NEB: variants seen among roughly 807,000 people sequenced by gnomAD.
NEB encodes nemaline myopathy type 2.
NEB carries 512 observed loss-of-function variants against 952.2 expected under a neutral mutation model. The observed-to-expected ratio is 0.54, with a 90% CI of 0.50 to 0.58. The LOEUF is 0.58. Ranked by LOEUF, NEB falls within the 20% of genes least tolerant of loss-of-function variation. The probability of loss-of-function intolerance (pLI) is 0.00; values close to 1 mark genes in which losing one functional copy is unlikely to be tolerated. For missense variants in NEB, 8,428 were observed against 9,231.1 expected, an observed-to-expected ratio of 0.91 and a Z score of 3.56; for synonymous variants, 2,900 against 3,149.8, an observed-to-expected ratio of 0.92 and a Z score of 2.66.
At chr2:151,648,497 G>A (rs2098990957) in intron 54 of NEB, among the ~76,000 whole-genome samples, 1 of 152,116 alleles carries the variant, frequency 6.6e-6, no homozygotes, top group Non-Finnish European at 1.5e-5. Context: ...CAATTGCATT[G>A]TGGTGAAGTC....
chr2:151,659,943 C>T (rs1020226444), intron 46 of NEB, among the ~76,000 whole-genome samples: 1 of 152,120 alleles, frequency 6.6e-6, no homozygotes, highest in African/African-American at 2.4e-5. Context: ...CTTATGGCCT[C>T]TAGCCTTTTT....
At chr2:151,516,334 T>A in intron 157 of NEB, 125 bp downstream of exon 157, 1 of 609,608 alleles carries the variant, frequency 1.6e-6, no homozygotes, top group South Asian at 2.5e-5. Context: ...ATTTTAGTGA[T>A]CACATGATAA....
At position 151,494,218 on chromosome 2, in the gene NEB, T is replaced by C. The variant is rs1574795954; in HGVS notation, c.24522A>G (p.Ala8174=). 6.2e-7 allele frequency: 1 copy of C among 1,606,494 alleles called. No homozygotes were observed. Among genetic ancestry groups the C allele is most frequent in the Admixed American group, 1.7e-5 (1 of 59,268 alleles). ...TCTGCATCTCAGGAGTGACAGGGGT[T>C]GCGGTGGCTTTCCCCACATTTTCTT... is the stretch of plus-strand genomic sequence containing the variant. The part of the protein sequence containing the change: ...LYKENVGKAT[A]TPVTPEMQRV... Residue 8174 remains alanine, a synonymous_variant, in exon 174 of 182, where the codon GCA becomes GCG. Transcript: ENST00000397345.
At position 151,501,422 on chromosome 2, in the gene NEB, C is replaced by T. The variant is rs531666957; in HGVS notation, c.23990G>A (p.Arg7997Gln). ...TPLPVTPEME[R>Q]VKLNQENFSS... ...AAAGTTTTCTTGATTGAGTTTGACT[C>T]GCTCCATCTCAGGAGTGACAGGTAG... The change falls in exon 168 of 182, where the codon CGA becomes CAA. Residue 7997 changes from arginine to glutamine, a missense_variant. Coordinates refer to ENST00000397345, the MANE Select transcript of NEB (RefSeq NM_001164508.2). 14 of 1,549,010 alleles carry T rather than the reference C, an allele frequency of 9.0e-6. No homozygotes were observed. The African/African-American group carries it at 9.6e-5, about 11-fold the overall frequency.
intron 55 of NEB, among the ~76,000 whole-genome samples, chr2:151,645,318 T>G (rs2098942441): frequency 6.6e-6 from 1 of 152,248 alleles, no homozygotes; most frequent in Non-Finnish European, 1.5e-5. Context: ...ATGTAGCTGA[T>G]GCATTGTGAA....
At chr2:151,648,445 A>T (rs2098989260) in intron 54 of NEB, among the ~76,000 whole-genome samples, 1 of 152,178 alleles carries the variant, frequency 6.6e-6, no homozygotes, top group Non-Finnish European at 1.5e-5. Context: ...GTTTCTCTTT[A>T]AAAAATTTTT....
At chr2:151,645,196 T>C (rs2098939814) in intron 55 of NEB, among the ~76,000 whole-genome samples, 1 of 152,218 alleles carries the variant, frequency 6.6e-6, no homozygotes, top group Non-Finnish European at 1.5e-5. Flanking sequence ...TGGATTATTA[T>C]TGAGGTGCTG....
At chr2:151,665,273 G>T in intron 42 of NEB, 60 bp downstream of exon 42, 1 of 1,508,782 alleles carries the variant, frequency 6.6e-7, no homozygotes, top group Non-Finnish European at 9.2e-7. Context: ...GGCACTGCCA[G>T]GCTCAATGTC....
intron 20 of NEB, among the ~76,000 whole-genome samples, chr2:151,694,066 A>C (rs2099577919): frequency 1.3e-5 from 2 of 152,218 alleles, no homozygotes; most frequent in Admixed American, 1.3e-4. Flanking sequence ...AAACAATGAT[A>C]TTGGCAGAAT....
rs1042189022 is a variant in NEB, at chr2:151,490,178, A to C, written c.25298-101T>G. The C allele has an allele frequency of 3.9e-5, 47 of 1,193,056 alleles. 2 individuals are homozygous for C. The highest frequency in any genetic ancestry group is 3.1e-5 in the Non-Finnish European group (26 of 838,848). 73.9% of individuals were successfully genotyped at this position (1,193,056 alleles called of 1,614,324 possible). Reference sequence around the variant, plus strand: ...TGATGTCTTTTTCCCCCAACTTAGAATGATTTCCAAAAAGAGAAATCAAAG... The same window carrying C: ...TGATGTCTTTTTCCCCCAACTTAGACTGATTTCCAAAAAGAGAAATCAAAG... On this transcript the variant is annotated intron_variant, in intron 180 of 181. Coordinates refer to ENST00000397345, the MANE Select transcript of NEB (RefSeq NM_001164508.2).
intron 106 of NEB, 37 bp downstream of exon 106, chr2:151,576,114 G>C: frequency 7.0e-7 from 1 of 1,428,334 alleles, no homozygotes; most frequent in South Asian, 1.4e-5. Context: ...TCTATTTATG[G>C]CATTAATTCA....
At chr2:151,663,934 C>G (rs534694376) in intron 44 of NEB, 75 bp from the exon 45 acceptor site, 2 of 1,451,466 alleles carry the variant, frequency 1.4e-6, no homozygotes, top group Non-Finnish European at 9.4e-7. Context: ...GTGATGTGAG[C>G]TTTGTCTTAG....
chr2:151,679,655 C>T (rs2099399741), intron 32 of NEB, 66 bp downstream of exon 32: 14 of 829,930 alleles, frequency 1.7e-5, no homozygotes, highest in South Asian at 4.7e-5. Context: ...TTTGGGTCAT[C>T]GTCAGACCCC....
At chr2:151,702,055 G>A (rs2099674166) in intron 13 of NEB, among the ~76,000 whole-genome samples, 2 of 148,470 alleles carry the variant, frequency 1.3e-5, no homozygotes, top group South Asian at 2.3e-4. Context: ...CAGAGATTCT[G>A]GTATGTTGTG....
chr2:151,653,534 C>T (rs952340010), intron 52 of NEB, among the ~76,000 whole-genome samples: 2 of 152,014 alleles, frequency 1.3e-5, no homozygotes, highest in African/African-American at 4.8e-5. Context: ...TAATTTATTA[C>T]AATTATATAA....
chr2:151,563,653 A>G lies in NEB; in HGVS notation c.18646T>C (p.Phe6216Leu), dbSNP rs202211102. The change falls in exon 119 of 182, where the codon TTC (phenylalanine) becomes CTC (leucine). Residue 6216 changes from phenylalanine to leucine, a missense_variant. By Grantham distance (22) the Phe-to-Leu change is conservative. Transcript: ENST00000397345. Reference protein sequence around the residue: ...HYLAGKVIGEFPGVVHCLDFQ... With the variant: ...HYLAGKVIGELPGVVHCLDFQ... ...TCCAGACAGTGAACCACACCAGGGA[A>G]TTCACCGATCACTTTTCCAGCCAGG... The G allele has an allele frequency of 2.3e-4, 370 of 1,613,734 alleles. No individual in the cohort carries two copies. Among genetic ancestry groups the G allele is most frequent in the Admixed American group, 3.8e-4 (23 of 59,996 alleles).
chr2:151,575,043 C>A (rs1390754469), intron 107 of NEB, among the ~76,000 whole-genome samples: 1 of 152,078 alleles, frequency 6.6e-6, no homozygotes, highest in African/African-American at 2.4e-5. Flanking sequence ...CCCAGCTGGT[C>A]TATAGTTTTT....
intron 161 of NEB, among the ~76,000 whole-genome samples, chr2:151,511,060 A>T (rs561461904): frequency 6.6e-6 from 1 of 152,258 alleles, no homozygotes; most frequent in Admixed American, 6.5e-5. Flanking sequence ...AGAGAGCCCC[A>T]GGAGAGCAGA....
At position 151,725,104 on chromosome 2, in the gene NEB, A is replaced by C. The variant is rs144481986; in HGVS notation, c.403-143T>G. Reference sequence around the variant, plus strand: ...TAGTTTCTGCATTTTAGCTGGAAAAATGTGATCTTCAAAGAAGCACCTGCA... The same window carrying C: ...TAGTTTCTGCATTTTAGCTGGAAAACTGTGATCTTCAAAGAAGCACCTGCA... On this transcript the variant is annotated intron_variant, in intron 6 of 181. Transcript: ENST00000397345. 105 of 675,074 alleles carry C rather than the reference A, an allele frequency of 1.6e-4. 1 individual carries two copies. In the African/African-American group the frequency reaches 1.6e-3, roughly 10 times the overall value. 41.8% of individuals were successfully genotyped at this position (675,074 alleles called of 1,614,324 possible). A position where few individuals can be genotyped will look rare whatever the true frequency, so the allele number is the denominator to read the frequency against.
Sources: allele counts gnomAD v4.1 joint callset (sites outside exome capture counted in the v4.1 genomes callset), GRCh38; gene constraint gnomAD v4.1.1; transcripts MANE v1.5; gene names NCBI Gene and HGNC (gene_info 2026-07-23, HGNC 2026-07-21).